Variants in EIF3L observed in about 807,000 individuals in gnomAD.
The protein encoded by EIF3L is eukaryotic translation initiation factor 3 subunit L, also known as eIEF associated protein HSPC021.
In EIF3L, 32 loss-of-function variants were observed where a neutral mutation model predicts 74.6. The ratio of observed to expected loss-of-function variants is 0.43; its 90% confidence interval spans 0.32 to 0.58. The LOEUF (loss-of-function observed/expected upper bound fraction) is 0.58, where lower values mean the gene tolerates loss of function less well. EIF3L is among the 20% of genes least tolerant of loss of function. The probability of loss-of-function intolerance (pLI) is 0.06; values close to 1 mark genes in which losing one functional copy is unlikely to be tolerated. For missense variants in EIF3L, 474 were observed against 707.8 expected, an observed-to-expected ratio of 0.67 and a Z score of 3.75; for synonymous variants, 256 against 254.4, an observed-to-expected ratio of 1.01 and a Z score of -0.06.
intron 7 of EIF3L, among the ~76,000 whole-genome samples, chr22:37,865,288 A>T (rs372224876): frequency 7.3e-5 from 11 of 151,548 alleles, no homozygotes; most frequent in Middle Eastern, 3.4e-3. Flanking sequence ...CAATGGTGAA[A>T]CCCCATCTCT....
At position 37,870,340 on chromosome 22, in the gene EIF3L, A is replaced by G. The variant is rs1418834523; in HGVS notation, c.744A>G (p.Thr248=). The change falls in exon 8 of 13, where the codon ACA becomes ACG. Residue 248 remains threonine (T), a synonymous_variant. Coordinates refer to ENST00000652021, the MANE Select transcript of EIF3L (RefSeq NM_016091.4). The stretch of plus-strand genomic sequence containing the variant: ...TCAACCGACAGTTGGAGGTATACAC[A>G]AGCGGAGGTGAGTGCAGCAGGCCGA... The part of the protein sequence containing the change: ...SNINRQLEVY[T]SGGDPESVAG... The G allele has an allele frequency of 6.2e-6, 10 of 1,605,528 alleles. No individual in the cohort carries two copies. The South Asian group carries it at 1.1e-4, about 18-fold the overall frequency.
chr22:37,881,042 G>A (rs1927021232), intron 11 of EIF3L: 1 of 152,190 alleles, frequency 6.6e-6, no homozygotes, highest in African/African-American at 2.4e-5. Flanking sequence ...AAAAATACAA[G>A]TAAGGTTTTT....
chr22:37,861,268 C>T (rs1601761033), intron 5 of EIF3L, among the ~76,000 whole-genome samples: 1 of 152,088 alleles, frequency 6.6e-6, no homozygotes, highest in African/African-American at 2.4e-5. Flanking sequence ...ATGGCTAGAA[C>T]TCCTGCCTTG....
chr22:37,867,172 G>A (rs570817215), intron 7 of EIF3L, among the ~76,000 whole-genome samples: 13 of 152,000 alleles, frequency 8.6e-5, no homozygotes, highest in South Asian at 4.1e-4. Context: ...TGAGTAGCTC[G>A]GACTACAGGT....
In EIF3L at chr22:37,870,200, T is replaced by A. The variant is rs1473168458; in HGVS notation, c.604T>A (p.Cys202Ser). The change falls in exon 8 of 13, where the codon TGT (cysteine) becomes AGT (serine). Residue 202 changes from cysteine to serine, a missense_variant. By Grantham distance (112) the Cys-to-Ser change is moderately radical. Coordinates refer to ENST00000652021, the MANE Select transcript of EIF3L (RefSeq NM_016091.4). The part of the protein sequence containing the change: ...YQFQSFSQYR[C>S]KTAKKSEEEI... The stretch of plus-strand genomic sequence containing the variant: ...GTTTCAGTCATTCAGTCAGTACCGC[T>A]GTAAGACTGCCAAGAAGTCAGAGGA... 6.2e-7 allele frequency: 1 copy of A among 1,612,546 alleles called. No individual in the cohort carries two copies. The highest frequency in any genetic ancestry group is 8.5e-7 in the Non-Finnish European group (1 of 1,179,178).
chr22:37,863,500 G>A (rs777625102), intron 7 of EIF3L, among the ~76,000 whole-genome samples, 155 bp downstream of exon 7: 2 of 152,132 alleles, frequency 1.3e-5, no homozygotes, highest in East Asian at 1.9e-4. Flanking sequence ...GCTGGCTTTC[G>A]GAAGAGGCAG....
At chr22:37,850,581 C>G (rs1234715181) in intron 2 of EIF3L, 1 of 178,758 alleles carries the variant, frequency 5.6e-6, no homozygotes, top group East Asian at 1.8e-4. Context: ...TCAGGTGATC[C>G]ACCCGCCCCA....
chr22:37,866,409 T>A (rs1926153048), intron 7 of EIF3L, among the ~76,000 whole-genome samples: 1 of 152,224 alleles, frequency 6.6e-6, no homozygotes, highest in Admixed American at 6.5e-5. Context: ...TTTTTAGGGA[T>A]CACTACCTAG....
chr22:37,880,367 C>G (rs1601781504), intron 11 of EIF3L: 2 of 152,164 alleles, frequency 1.3e-5, no homozygotes, highest in East Asian at 1.9e-4. Context: ...CCCACCTCGG[C>G]CTACCAAAGT....
intron 5 of EIF3L, among the ~76,000 whole-genome samples, chr22:37,859,873 G>A (rs903031013): frequency 6.6e-6 from 1 of 152,088 alleles, no homozygotes; most frequent in Non-Finnish European, 1.5e-5. Context: ...TAAGCTGGGC[G>A]TGGTGGCGGG....
intron 7 of EIF3L, among the ~76,000 whole-genome samples, chr22:37,869,795 A>G (rs1196034617): frequency 6.6e-6 from 1 of 152,148 alleles, no homozygotes; most frequent in Non-Finnish European, 1.5e-5. Flanking sequence ...ACCACAGTCT[A>G]GCTGCATCTG....
intron 9 of EIF3L, 68 bp from the exon 10 acceptor site, chr22:37,875,773 G>A (rs1391627623): frequency 6.7e-7 from 1 of 1,498,282 alleles, no homozygotes; most frequent in Non-Finnish European, 9.1e-7. Context: ...AACTCTTGGT[G>A]TTTCTACCTC....
Position 37,877,894 on chromosome 22 carries a change from C to T in EIF3L, c.1298C>T (p.Pro433Leu). ...GTGCCCAACTATGATAATGTGCACC[C>T]CAACTACCACAAAGAGCCCTTCCTG... ...PVVPNYDNVHPNYHKEPFLQQ... is the reference protein window; with the variant it reads ...PVVPNYDNVHLNYHKEPFLQQ... Residue 433 changes from proline to leucine, a missense_variant, in exon 11 of 13, where the codon CCC (proline) becomes CTC (leucine). Pro to Leu is a moderately conservative substitution (Grantham distance 98). Coordinates refer to ENST00000652021, the MANE Select transcript of EIF3L (RefSeq NM_016091.4). 1 of 1,613,026 alleles carries T rather than the reference C, an allele frequency of 6.2e-7. No individual in the cohort carries two copies. The highest frequency in any genetic ancestry group is 8.5e-7 in the Non-Finnish European group (1 of 1,179,842).
At chr22:37,871,032 G>GTGGGAGGATTGC (rs1308523439) in intron 8 of EIF3L, among the ~76,000 whole-genome samples, 1 of 152,046 alleles carries the variant, frequency 6.6e-6, no homozygotes, top group East Asian at 1.9e-4. Flanking sequence ...GGAGGCTGAG[G>GTGGGAGGATTGC]TGGGAGGATT....
intron 8 of EIF3L, among the ~76,000 whole-genome samples, 159 bp downstream of exon 8, chr22:37,870,506 GTATT>G (rs1055436378): frequency 1.3e-5 from 2 of 152,158 alleles, no homozygotes; most frequent in African/African-American, 4.8e-5. Context: ...CAGTAGCAGA[GTATT>G]TGTGCTGGGG....
chr22:37,862,044 C>T (rs1237037605), intron 5 of EIF3L, among the ~76,000 whole-genome samples: 1 of 152,182 alleles, frequency 6.6e-6, no homozygotes, highest in Non-Finnish European at 1.5e-5. Flanking sequence ...CCATGTTGCC[C>T]AGCCTGTTCT....
At chr22:37,849,567 T>TCCGGGTCGCGGCCAGCTC (rs1925045606) in intron 1 of EIF3L, 85 bp downstream of exon 1, 1 of 1,469,854 alleles carries the variant, frequency 6.8e-7, no homozygotes, top group Non-Finnish European at 9.2e-7. Flanking sequence ...CGAGGCAGCT[T>TCCGGGTCGCGGCCAGCTC]CCGGGTCGCG....
In EIF3L at chr22:37,863,016, C is replaced by T. The variant is rs762452441; in HGVS notation, c.483C>T (p.Cys161=). 3.1e-6 allele frequency: 5 copies of T among 1,613,250 alleles called. No homozygotes were observed. The African/African-American group carries it at 5.3e-5, about 17-fold the overall frequency. The change falls in exon 6 of 13, where the codon TGC becomes TGT. Residue 161 remains cysteine (C), a synonymous_variant. Transcript: ENST00000652021. ...GGTTTGAATCCTATTACAACTACTG[C>T]AATCTCTTCAACTACATTCTTAGTG... ...EQRFESYYNY[C]NLFNYILNAD...
At chr22:37,868,280 AT>A (rs750122946) in intron 7 of EIF3L, among the ~76,000 whole-genome samples, 2,866 of 130,124 alleles carry the variant, frequency 0.022, 54 homozygotes, top group African/African-American at 0.06. Flanking sequence ...CGCCCTGCTA[AT>A]TTTTTTTTTT....
Sources: allele counts gnomAD v4.1 joint callset (sites outside exome capture counted in the v4.1 genomes callset), GRCh38; gene constraint gnomAD v4.1.1; transcripts MANE v1.5; gene names NCBI Gene and HGNC (gene_info 2026-07-23, HGNC 2026-07-21).